ELP4: variants seen among roughly 807,000 people sequenced by gnomAD.
ELP4 encodes the protein elongator acetyltransferase complex subunit 4.
A neutral mutation model predicts 48.9 loss-of-function variants in ELP4; 51 were observed. The observed-to-expected ratio is 1.04, with a 90% confidence interval of 0.83 to 1.32. The LOEUF (loss-of-function observed/expected upper bound fraction) is 1.32. Ranked by LOEUF, ELP4 falls within the 40% of genes most tolerant of loss-of-function variation. ELP4 has a pLI of 0.00. For missense variants in ELP4, 519 were observed against 514.6 expected, an observed-to-expected ratio of 1.01 and a Z score of -0.08; for synonymous variants, 210 against 189.2, an observed-to-expected ratio of 1.11 and a Z score of -0.90.
chr11:31,518,934 C>T (rs986598718), intron 1 of ELP4, among the ~76,000 whole-genome samples: 1 of 151,402 alleles, frequency 6.6e-6, no homozygotes, highest in Non-Finnish European at 1.5e-5. Context: ...TTCTCAGCCT[C>T]CTGAGTAGCT....
At chr11:31,722,749 C>T (rs1193636742) in intron 9 of ELP4, among the ~76,000 whole-genome samples, 1 of 151,252 alleles carries the variant, frequency 6.6e-6, no homozygotes, top group Non-Finnish European at 1.5e-5. Flanking sequence ...CTTTCTCTAC[C>T]TGTATTGCTG....
At chr11:31,588,686 A>G (rs1691387157) in intron 3 of ELP4, among the ~76,000 whole-genome samples, 1 of 152,230 alleles carries the variant, frequency 6.6e-6, no homozygotes, top group Non-Finnish European at 1.5e-5. Context: ...ATTTTGCAGT[A>G]AAATAACATA....
chr11:31,516,070 A>G (rs1450098188), intron 1 of ELP4, among the ~76,000 whole-genome samples: 2 of 152,226 alleles, frequency 1.3e-5, no homozygotes, highest in South Asian at 2.1e-4. Flanking sequence ...CTGAGATTGC[A>G]CCACTGCACT....
intron 9 of ELP4, among the ~76,000 whole-genome samples, chr11:31,698,688 C>T (rs1484968121): frequency 6.6e-6 from 1 of 152,148 alleles, no homozygotes; most frequent in Non-Finnish European, 1.5e-5. Context: ...GCTGGGATTA[C>T]AGGCATGAGC....
intron 9 of ELP4, chr11:31,714,696 T>G (rs978102959): frequency 2.0e-5 from 8 of 398,510 alleles, no homozygotes; most frequent in African/African-American, 4.1e-5. Flanking sequence ...AGAAGCTATT[T>G]CCTTGCCTTT....
chr11:31,624,365 G>T (rs541055364), intron 5 of ELP4, among the ~76,000 whole-genome samples: 1 of 151,678 alleles, frequency 6.6e-6, no homozygotes, highest in Non-Finnish European at 1.5e-5. Context: ...CATGTTACTG[G>T]ACTGAATAGG....
intron 5 of ELP4, among the ~76,000 whole-genome samples, chr11:31,608,142 A>G (rs1957907950): frequency 6.6e-6 from 1 of 151,978 alleles, no homozygotes; most frequent in South Asian, 2.1e-4. Context: ...GTGACAGAGC[A>G]TATATGACAG....
intron 9 of ELP4, among the ~76,000 whole-genome samples, chr11:31,751,391 C>T (rs1029408610): frequency 6.6e-6 from 1 of 152,156 alleles, no homozygotes; most frequent in African/African-American, 2.4e-5. Context: ...TCTCCCAACT[C>T]TACTTTCTGA....
intron 3 of ELP4, among the ~76,000 whole-genome samples, chr11:31,556,854 T>A (rs1056148304): frequency 2.0e-5 from 3 of 151,918 alleles, no homozygotes; most frequent in Non-Finnish European, 1.5e-5. Context: ...TCAGGATAGG[T>A]ACATGATTAT....
chr11:31,543,640 T>C (rs1288911491), intron 3 of ELP4, among the ~76,000 whole-genome samples: 2 of 152,160 alleles, frequency 1.3e-5, no homozygotes, highest in Non-Finnish European at 2.9e-5. Context: ...ATGCACATCA[T>C]AATCAAATTT....
At position 31,774,520 on chromosome 11, in the gene ELP4, T is replaced by C. The variant is rs539220669; in HGVS notation, c.1144-8873T>C. Among the ~76,000 whole-genome samples the C allele has an allele frequency of 5.9e-5, 9 of 152,354 alleles. No homozygotes were observed. The South Asian group carries it at 1.9e-3, about 32-fold the overall frequency. On this transcript the variant is annotated intron_variant, in intron 9 of 9. Transcript: ENST00000640961. ...CCCTTCCATCTCTTCTTGCAGATTC[T>C]ATAACTCTAGCATGAGTTCATCTGT... is the stretch of plus-strand genomic sequence containing the variant.
chr11:31,692,737 G>A (rs1009209402), intron 9 of ELP4, among the ~76,000 whole-genome samples: 3 of 152,084 alleles, frequency 2.0e-5, no homozygotes, highest in East Asian at 1.9e-4. Flanking sequence ...TCTGATTGGA[G>A]CAACAGCCCC....
chr11:31,668,723 A>AGTGTGT (rs1565103665), intron 9 of ELP4, among the ~76,000 whole-genome samples: 2 of 33,298 alleles, frequency 6.0e-5, no homozygotes, highest in African/African-American at 2.2e-4. Flanking sequence ...TGTGTGTGTA[A>AGTGTGT]GAACCCTGTA....
At position 31,789,034 on chromosome 11, in the gene ELP4, T is replaced by A. The variant is rs1948984741; in HGVS notation, c.*5510T>A. The A allele has an allele frequency of 5.0e-6, 1 of 201,348 alleles. No individual in the cohort carries two copies. The highest frequency in any genetic ancestry group is 1.9e-4 in the South Asian group (1 of 5,284). 12.5% of individuals were successfully genotyped at this position (201,348 alleles called of 1,614,324 possible). On this transcript the variant is annotated 3_prime_UTR_variant, in exon 10 of 10. Coordinates refer to ENST00000640961, the MANE Select transcript of ELP4 (RefSeq NM_019040.5). ...ACTTCAAAACACTTAAGTTTAAAAC[T>A]CTTGCAAGCACTTTTAATTGATTAG...
chr11:31,745,345 C>G (rs1384358618), intron 9 of ELP4, among the ~76,000 whole-genome samples: 1 of 152,160 alleles, frequency 6.6e-6, no homozygotes, highest in Non-Finnish European at 1.5e-5. Context: ...AATGCCATCC[C>G]CATCAAGCTA....
intron 9 of ELP4, among the ~76,000 whole-genome samples, chr11:31,672,755 C>A (rs1161981026): frequency 6.6e-6 from 1 of 151,972 alleles, no homozygotes; most frequent in Non-Finnish European, 1.5e-5. Context: ...TGCCACTGCA[C>A]TCCAGCCTGG....
At chr11:31,714,728 G>T (rs1946805630) in intron 9 of ELP4, 2 of 398,488 alleles carry the variant, frequency 5.0e-6, no homozygotes, top group South Asian at 2.5e-4. Flanking sequence ...GAGGTTGCCT[G>T]CATTCCTTGG....
intron 9 of ELP4, among the ~76,000 whole-genome samples, chr11:31,670,467 A>T (rs535599156): frequency 6.6e-6 from 1 of 152,262 alleles, no homozygotes; most frequent in South Asian, 2.1e-4. Flanking sequence ...TGTCCCTGTC[A>T]TCTTTTACCA....
At chr11:31,722,903 G>A (rs2134188879) in intron 9 of ELP4, among the ~76,000 whole-genome samples, 1 of 152,318 alleles carries the variant, frequency 6.6e-6, no homozygotes, top group Admixed American at 6.5e-5. Flanking sequence ...CAGCCACTGA[G>A]CTGACGGGCT....
Sources: gnomAD v4.1 joint callset for allele counts (sites outside exome capture counted in the v4.1 genomes callset) on GRCh38, gnomAD v4.1.1 for gene constraint, MANE v1.5 for transcripts, NCBI Gene and HGNC (gene_info 2026-07-23, HGNC 2026-07-21) for gene names.